Variants in COL4A3 observed in about 807,000 individuals in gnomAD.
The protein encoded by COL4A3 is collagen type IV alpha 3 chain, also known as collagen alpha-3(IV) chain.
Under a neutral mutation model 217.4 loss-of-function variants are expected in COL4A3, and 135 were observed. That is an observed-to-expected ratio of 0.62 (90% CI 0.54 to 0.72). The LOEUF (loss-of-function observed/expected upper bound fraction) is 0.72. Among genes scored for constraint, COL4A3 ranks in the 30% least tolerant of loss-of-function variants. The pLI, the probability that COL4A3 is intolerant of heterozygous loss-of-function variation, is 0.00. For missense variants in COL4A3, 1,868 were observed against 2,119.9 expected (o/e 0.88, Z 2.33); for synonymous variants, 690 against 736.3 (o/e 0.94, Z 1.02).
chr2:227,284,277 A>G lies in COL4A3; in HGVS notation c.2813A>G (p.Asp938Gly), dbSNP rs202161876. 1 of 1,614,184 alleles carries G rather than the reference A, an allele frequency of 6.2e-7. No homozygotes were observed. Among genetic ancestry groups the G allele is most frequent in the Non-Finnish European group, 8.5e-7 (1 of 1,180,038 alleles). ...GTPGAKGEQG[D>G]KGNPGPSEIS... is the part of the protein sequence containing the mutation. Reference sequence around the variant, plus strand: ...CCAGGAGCCAAGGGGGAACAAGGAGATAAAGGAAATCCCGGGCCTTCAGAG... The same window carrying G: ...CCAGGAGCCAAGGGGGAACAAGGAGGTAAAGGAAATCCCGGGCCTTCAGAG... Residue 938 changes from aspartate to glycine, a missense_variant, in exon 34 of 52, where the codon GAT (aspartate) becomes GGT (glycine). Coordinates refer to ENST00000396578, the MANE Select transcript of COL4A3 (RefSeq NM_000091.5).
chr2:227,179,612 A>G (rs1186272660), intron 1 of COL4A3, among the ~76,000 whole-genome samples: 1 of 152,250 alleles, frequency 6.6e-6, no homozygotes, highest in Non-Finnish European at 1.5e-5. Flanking sequence ...ATCCTTTGAC[A>G]GAAGAATAAA....
intron 1 of COL4A3, among the ~76,000 whole-genome samples, chr2:227,176,625 G>T (rs181028003): frequency 6.6e-6 from 1 of 152,316 alleles, no homozygotes; most frequent in Non-Finnish European, 1.5e-5. Context: ...GTTTAAAAAT[G>T]AGTTCAAGTG....
Position 227,311,769 on chromosome 2 carries a change from GTTTGTT to G in COL4A3, c.4929-13_4929-8del. The G allele has an allele frequency of 6.2e-7, 1 of 1,609,156 alleles. No individual in the cohort carries two copies. The highest frequency in any genetic ancestry group is 2.2e-5 in the East Asian group (1 of 44,828). ...ATGCATAAATAAATGAATTTTTTTG[GTTTGTT>G]TTTATTTCAGAAAGCCTATTCCATC... On this transcript the variant is annotated splice_polypyrimidine_tract_variant and intron_variant, in intron 51 of 51. Coordinates refer to ENST00000396578, the MANE Select transcript of COL4A3 (RefSeq NM_000091.5).
At chr2:227,188,769 C>T (rs1265494081) in intron 1 of COL4A3, among the ~76,000 whole-genome samples, 1 of 152,142 alleles carries the variant, frequency 6.6e-6, no homozygotes, top group Non-Finnish European at 1.5e-5. Context: ...TTAACTCATT[C>T]AACAAATATT....
rs115257861 is a variant in COL4A3, at chr2:227,300,504, G to A, written c.3882+1692G>A. 9.1e-3 allele frequency among the ~76,000 whole-genome samples: 1,379 copies of A among 152,206 alleles called. 10 individuals are homozygous for A. Among genetic ancestry groups the A allele is most frequent in the African/African-American group, 0.032 (1,318 of 41,518 alleles). ...TATTCTCTCTCTCAACACCACAGCC[G>A]TCGTCCCTAGCTTTCTCTTAGCAGC... On this transcript the variant is annotated intron_variant, in intron 43 of 51. Transcript: ENST00000396578.
intron 1 of COL4A3, among the ~76,000 whole-genome samples, chr2:227,170,599 C>G (rs866238917): frequency 6.6e-6 from 1 of 152,090 alleles, no homozygotes; most frequent in Non-Finnish European, 1.5e-5. Flanking sequence ...CACCGAGTCC[C>G]TCCCACAACA....
At chr2:227,290,606 A>G (rs1344106309) in intron 36 of COL4A3, 141 bp from the exon 37 acceptor site, 3 of 676,760 alleles carry the variant, frequency 4.4e-6, no homozygotes, top group Non-Finnish European at 7.6e-6. Context: ...TTATATAATA[A>G]TCATCTATTG....
In COL4A3 at chr2:227,298,262, G is replaced by A. The variant is rs528443282; in HGVS notation, c.3751+403G>A. Among the ~76,000 whole-genome samples the A allele has an allele frequency of 6.6e-5, 10 of 152,294 alleles. No individual in the cohort carries two copies. In the East Asian group the frequency reaches 1.7e-3, roughly 26 times the overall value. ...GGCAACTCAGGAGGCTGAGATGGGA[G>A]AACCTCTTAAACCTGGGAGGCAGAG... On this transcript the variant is annotated intron_variant, in intron 42 of 51. Coordinates refer to ENST00000396578, the MANE Select transcript of COL4A3 (RefSeq NM_000091.5).
chr2:227,298,778 G>A lies in COL4A3; in HGVS notation c.3848G>A (p.Gly1283Glu). The A allele has an allele frequency of 6.2e-7, 1 of 1,614,010 alleles. No individual in the cohort carries two copies. Among genetic ancestry groups the A allele is most frequent in the Non-Finnish European group, 8.5e-7 (1 of 1,180,002 alleles). Residue 1283 changes from glycine (G) to glutamate (E), a missense_variant, in exon 43 of 52, where the codon GGA (glycine) becomes GAA (glutamate). Physicochemically the swap from Gly to Glu is moderately conservative, Grantham distance 98 (BLOSUM62 -2). This residue lies in a region of COL4A3 where 1,503 missense variants were observed against 1,786.1 expected (regional missense o/e 0.84). Coordinates refer to ENST00000396578, the MANE Select transcript of COL4A3 (RefSeq NM_000091.5). ...CACCCTGGCCCAAAAGGTCCACCTG[G>A]AACTGCAGGAGACATGGGACCACCA... ...MGHPGPKGPP[G>E]TAGDMGPPGR...
chr2:227,225,481 A>C (rs566222819), intron 1 of COL4A3, among the ~76,000 whole-genome samples: 1 of 152,280 alleles, frequency 6.6e-6, no homozygotes, highest in South Asian at 2.1e-4. Context: ...AGATTAGTTT[A>C]CTTTCACCTC....
At chr2:227,187,991 G>T (rs1305843919) in intron 1 of COL4A3, among the ~76,000 whole-genome samples, 1 of 152,150 alleles carries the variant, frequency 6.6e-6, no homozygotes, top group Non-Finnish European at 1.5e-5. Context: ...CCAGTCAGCT[G>T]TACCCAAGAA....
At chr2:227,231,840 T>C (rs1301292726) in intron 1 of COL4A3, among the ~76,000 whole-genome samples, 1 of 135,654 alleles carries the variant, frequency 7.4e-6, no homozygotes, top group African/African-American at 2.7e-5. Flanking sequence ...CTGCATTCTT[T>C]ATTTTAAAAT....
chr2:227,225,585 T>G (rs1381803497), intron 1 of COL4A3, among the ~76,000 whole-genome samples: 2 of 151,682 alleles, frequency 1.3e-5, no homozygotes, highest in East Asian at 3.9e-4. Context: ...TGGTTCCCAG[T>G]GCAGGGTTGC....
At chr2:227,256,231 A>C in intron 16 of COL4A3, 112 bp from the exon 17 acceptor site, 1 of 1,140,158 alleles carries the variant, frequency 8.8e-7, no homozygotes, top group Non-Finnish European at 1.3e-6. Context: ...CTGTGAAGAG[A>C]GATCATCTGA....
Position 227,306,842 on chromosome 2 carries a change from C to T in COL4A3, c.4253-868C>T, listed in dbSNP as rs369013102. ...TGTTTTCTCTGTGATTCCTTAGGAC[C>T]CTAGAGAACCATGGCCCAAGTCTGG... is the stretch of plus-strand genomic sequence containing the variant. On this transcript the variant is annotated intron_variant, in intron 47 of 51. Transcript: ENST00000396578. 5.3e-5 allele frequency among the ~76,000 whole-genome samples: 8 copies of T among 152,168 alleles called. No homozygotes were observed. In the South Asian group the frequency reaches 1.7e-3, roughly 32 times the overall value.
chr2:227,279,591 A>C, intron 28 of COL4A3: 1 of 565,582 alleles, frequency 1.8e-6, no homozygotes, highest in African/African-American at 1.9e-5. Flanking sequence ...AAACAACAAA[A>C]TAGAGAAAGT....
chr2:227,310,506 T>C (rs1358101277), intron 50 of COL4A3, among the ~76,000 whole-genome samples: 1 of 152,080 alleles, frequency 6.6e-6, no homozygotes, highest in Non-Finnish European at 1.5e-5. Context: ...AGTACAGACA[T>C]GATTTCACTA....
chr2:227,291,979 A>G (rs2072771385), intron 37 of COL4A3, among the ~76,000 whole-genome samples: 1 of 152,256 alleles, frequency 6.6e-6, no homozygotes, highest in Non-Finnish European at 1.5e-5. Context: ...CTAACGTGGG[A>G]TTCCATGGAC....
chr2:227,310,996 A>C, intron 51 of COL4A3, 48 bp downstream of exon 51: 6 of 1,605,028 alleles, frequency 3.7e-6, no homozygotes, highest in Non-Finnish European at 5.1e-6. Context: ...TTGCAGAACT[A>C]TTCAAAGGTT....
Sources: allele counts gnomAD v4.1 joint callset (sites outside exome capture counted in the v4.1 genomes callset), GRCh38; gene constraint gnomAD v4.1.1; regional missense constraint gnomAD v4.1.1; transcripts MANE v1.5; gene names NCBI Gene and HGNC (gene_info 2026-07-23, HGNC 2026-07-21).